CDK17: variants seen among roughly 807,000 people sequenced by gnomAD.
CDK17 encodes cyclin dependent kinase 17, also known as cyclin-dependent kinase 17.
In CDK17, 24 loss-of-function variants were observed where a neutral mutation model predicts 77.6. The observed-to-expected ratio is 0.31, with a 90% CI of 0.22 to 0.44. The LOEUF (loss-of-function observed/expected upper bound fraction) is 0.44. Ranked by LOEUF, CDK17 falls within the 20% of genes least tolerant of loss-of-function variation. The pLI, the probability that CDK17 is intolerant of heterozygous loss-of-function variation, is 1.00. For synonymous variants in CDK17, 203 were observed against 210.4 expected, an observed-to-expected ratio of 0.96 and a Z score of 0.30; for missense variants, 429 against 622.5, an observed-to-expected ratio of 0.69 and a Z score of 3.31.
chr12:96,286,307 G>A (rs1332782296), intron 12 of CDK17, among the ~76,000 whole-genome samples, 159 bp from the exon 13 acceptor site: 5 of 151,484 alleles, frequency 3.3e-5, no homozygotes, highest in Non-Finnish European at 7.4e-5. Context: ...AGAAATAAAC[G>A]TACATGGACT....
intron 1 of CDK17, among the ~76,000 whole-genome samples, chr12:96,353,206 C>T (rs1177515222): frequency 6.6e-6 from 1 of 152,140 alleles, no homozygotes; most frequent in Non-Finnish European, 1.5e-5. Flanking sequence ...TCAGGCCATA[C>T]ATGCTGTTTC....
intron 10 of CDK17, among the ~76,000 whole-genome samples, chr12:96,290,132 G>A (rs1368852746): frequency 6.6e-6 from 1 of 152,188 alleles, no homozygotes; most frequent in East Asian, 1.9e-4. Context: ...CATGGGCCAT[G>A]GGTTGGACAA....
At chr12:96,282,951 G>A (rs1565801636) in intron 14 of CDK17, among the ~76,000 whole-genome samples, 3 of 151,944 alleles carry the variant, frequency 2.0e-5, no homozygotes, top group Non-Finnish European at 4.4e-5. Flanking sequence ...GTATTTTTAT[G>A]GCAGTCATTC....
chr12:96,298,622 T>C (rs1482171578), intron 7 of CDK17, among the ~76,000 whole-genome samples: 1 of 152,240 alleles, frequency 6.6e-6, no homozygotes, highest in Non-Finnish European at 1.5e-5. Context: ...CATGTACCAA[T>C]GTATAACATT....
chr12:96,336,151 C>T (rs1953037996), intron 1 of CDK17, among the ~76,000 whole-genome samples: 1 of 151,974 alleles, frequency 6.6e-6, no homozygotes, highest in Non-Finnish European at 1.5e-5. Flanking sequence ...TATTTTACTA[C>T]TTTCATATTA....
intron 1 of CDK17, among the ~76,000 whole-genome samples, chr12:96,388,906 C>G (rs1954017722): frequency 6.6e-6 from 1 of 152,066 alleles, no homozygotes; most frequent in African/African-American, 2.4e-5. Flanking sequence ...AGAGAAGAAG[C>G]TACAAACTTT....
At chr12:96,350,672 A>C (rs992975899) in intron 1 of CDK17, among the ~76,000 whole-genome samples, 8 of 152,176 alleles carry the variant, frequency 5.3e-5, no homozygotes, top group Non-Finnish European at 1.2e-4. Flanking sequence ...GTTTTCATGC[A>C]AAAGAGTGAA....
intron 3 of CDK17, among the ~76,000 whole-genome samples, chr12:96,315,027 T>TG (rs1952692285): frequency 2.6e-5 from 4 of 152,204 alleles, no homozygotes; most frequent in Non-Finnish European, 4.4e-5. Context: ...TTTCCAGAAC[T>TG]TAACCAACTG....
At chr12:96,291,628 C>CTTTTT (rs1164677307) in intron 10 of CDK17, among the ~76,000 whole-genome samples, 4 of 117,770 alleles carry the variant, frequency 3.4e-5, no homozygotes, top group Non-Finnish European at 5.3e-5. Flanking sequence ...ATTCCTTTTG[C>CTTTTT]TTTTTTTTTT....
Position 96,300,289 on chromosome 12 carries a change from G to C in CDK17, c.600+15C>G. The C allele has an allele frequency of 1.9e-6, 3 of 1,541,086 alleles. No individual in the cohort carries two copies. The highest frequency in any genetic ancestry group is 2.7e-6 in the Non-Finnish European group (3 of 1,126,502). Reference sequence around the variant, plus strand: ...AGAAAAAAATGTGTCTTACATTTTTGAGATATTTACTTACCTCTCCAAGCT... The same window carrying C: ...AGAAAAAAATGTGTCTTACATTTTTCAGATATTTACTTACCTCTCCAAGCT... On this transcript the variant is annotated intron_variant, in intron 6 of 16. Transcript: ENST00000261211.
chr12:96,382,158 T>TCACAG (rs1161376553), intron 1 of CDK17, among the ~76,000 whole-genome samples: 2 of 152,054 alleles, frequency 1.3e-5, no homozygotes, highest in African/African-American at 2.4e-5. Context: ...TTCAAGTTTG[T>TCACAG]CACAGCACCG....
In CDK17 at chr12:96,400,268, G is replaced by C; in HGVS notation, c.-312C>G. ...GCGCGGACGGCCCACTAATCCCCTC[G>C]GAGCAGCCGGGCGCGAGCGCGGCGG... On this transcript the variant is annotated 5_prime_UTR_variant, in exon 1 of 17. Transcript: ENST00000261211. 3 of 392,628 alleles carry C rather than the reference G, an allele frequency of 7.6e-6. No individual in the cohort carries two copies. The highest frequency in any genetic ancestry group is 3.6e-5 in the East Asian group (1 of 27,636). 24.3% of individuals were successfully genotyped at this position (392,628 alleles called of 1,614,324 possible).
chr12:96,355,398 G>GTTTTTTTTTTTTTTTTTTTTTTTTT lies in CDK17; in HGVS notation c.-29-20534_-29-20533insAAAAAAAAAAAAAAAAAAAAAAAAA, dbSNP rs58937020. On this transcript the variant is annotated intron_variant, in intron 1 of 16. Coordinates refer to ENST00000261211, the MANE Select transcript of CDK17 (RefSeq NM_002595.5). ...CTTGCTGTCTAACATTCTACATTGG[G>GTTTTTTTTTTTTTTTTTTTTTTTTT]TTTTTTTTTTTTTTTTTTTTTTTGG... Among the ~76,000 whole-genome samples the GTTTTTTTTTTTTTTTTTTTTTTTTT allele has an allele frequency of 4.1e-5, 3 of 72,478 alleles. 1 individual carries two copies. The highest frequency in any genetic ancestry group is 2.4e-5 in the Non-Finnish European group (1 of 41,830). 47.5% of individuals were successfully genotyped at this position (72,478 alleles called of 152,430 possible).
chr12:96,348,657 GAAAT>G (rs1277043596), intron 1 of CDK17, among the ~76,000 whole-genome samples: 3 of 150,488 alleles, frequency 2.0e-5, no homozygotes, highest in Non-Finnish European at 3.0e-5. Context: ...CAATTATACA[GAAAT>G]AAAACGGATT....
In CDK17 at chr12:96,389,023, TTTTTTA is replaced by T. The variant is rs879631679; in HGVS notation, c.-30+10957_-30+10962del. 2.0e-3 allele frequency among the ~76,000 whole-genome samples: 273 copies of T among 133,370 alleles called. 2 individuals carry two copies. In the South Asian group the frequency reaches 0.029, roughly 14 times the overall value. 87.5% of individuals were successfully genotyped at this position (133,370 alleles called of 152,430 possible). A position where few individuals can be genotyped will look rare whatever the true frequency, so the allele number is the denominator to read the frequency against. On this transcript the variant is annotated intron_variant, in intron 1 of 16. Coordinates refer to ENST00000261211, the MANE Select transcript of CDK17 (RefSeq NM_002595.5). ...AAATACCTCCCACCAGGCCTCACTT[TTTTTTA>T]TTATTATTATTATTATTTTTTGAGA...
intron 1 of CDK17, among the ~76,000 whole-genome samples, chr12:96,359,201 A>T (rs1953457405): frequency 1.3e-5 from 2 of 152,178 alleles, no homozygotes; most frequent in African/African-American, 4.8e-5. Flanking sequence ...CATAATTTAT[A>T]CAGATTATTA....
chr12:96,334,225 T>C (rs1294419011), intron 2 of CDK17, among the ~76,000 whole-genome samples: 1 of 152,226 alleles, frequency 6.6e-6, no homozygotes, highest in East Asian at 1.9e-4. Context: ...GGATTTTGTA[T>C]TTAACACACT....
At chr12:96,340,641 C>T (rs1461270912) in intron 1 of CDK17, among the ~76,000 whole-genome samples, 2 of 152,098 alleles carry the variant, frequency 1.3e-5, no homozygotes, top group African/African-American at 2.4e-5. Context: ...AGAACAAAGG[C>T]ACATATGCTA....
At position 96,295,715 on chromosome 12, in the gene CDK17, C is replaced by T. The variant is rs186921226; in HGVS notation, c.874-593G>A. Among the ~76,000 whole-genome samples, 60 of 152,324 alleles carry T rather than the reference C, an allele frequency of 3.9e-4. 1 individual carries two copies. In the East Asian group the frequency reaches 8.9e-3, roughly 23 times the overall value. ...TATCACCCATCTCTTGGGTACTTTA[C>T]TTTCAGCACCTCCTACTTAGCCTTC... On this transcript the variant is annotated intron_variant, in intron 9 of 16. Coordinates refer to ENST00000261211, the MANE Select transcript of CDK17 (RefSeq NM_002595.5).
Sources: allele counts gnomAD v4.1 joint callset (sites outside exome capture counted in the v4.1 genomes callset), GRCh38; gene constraint gnomAD v4.1.1; transcripts MANE v1.5; gene names NCBI Gene and HGNC (gene_info 2026-07-23, HGNC 2026-07-21).